Variants in ARHGAP24 observed in about 807,000 individuals in gnomAD.
ARHGAP24 encodes rho GTPase-activating protein 24.
ARHGAP24 carries 50 observed loss-of-function variants against 76.4 expected under a neutral mutation model. The ratio of observed to expected loss-of-function variants is 0.65; its 90% CI spans 0.52 to 0.83. ARHGAP24 has a LOEUF of 0.83. Ranked by LOEUF, ARHGAP24 falls within the 40% of genes least tolerant of loss-of-function variation. The probability of loss-of-function intolerance (pLI) is 0.00; values close to 1 mark genes in which losing one functional copy is unlikely to be tolerated. For synonymous variants in ARHGAP24, 345 were observed against 323.3 expected, an observed-to-expected ratio of 1.07 and a Z score of -0.72; for missense variants, 930 against 914.2, an observed-to-expected ratio of 1.02 and a Z score of -0.22.
intron 1 of ARHGAP24, among the ~76,000 whole-genome samples, chr4:85,547,237 C>A (rs952539162): frequency 6.6e-6 from 1 of 152,152 alleles, no homozygotes. Context: ...CAGTTCCTCA[C>A]CTTTCTTTGT....
chr4:85,785,871 C>T (rs573164129), intron 3 of ARHGAP24, among the ~76,000 whole-genome samples: 1 of 152,236 alleles, frequency 6.6e-6, no homozygotes, highest in Admixed American at 6.5e-5. Flanking sequence ...CAGAGTGACA[C>T]CTCCTTGTCA....
At chr4:85,496,667 C>T (rs973949274) in intron 1 of ARHGAP24, among the ~76,000 whole-genome samples, 26 of 152,216 alleles carry the variant, frequency 1.7e-4, no homozygotes, top group Admixed American at 1.0e-3. Flanking sequence ...AGCAAGCTCC[C>T]GGGTATATTA....
chr4:85,995,595 A>G lies in ARHGAP24; in HGVS notation c.1941A>G (p.Leu647=), dbSNP rs1037267435. Reference sequence around the variant, plus strand: ...GCAACCACAGTGCACTGCACAGTTTAGTTTCCAGCCTGAAACAGGAAATGA... The same window carrying G: ...GCAACCACAGTGCACTGCACAGTTTGGTTTCCAGCCTGAAACAGGAAATGA... The part of the protein sequence containing the change: ...SSSNHSALHS[L]VSSLKQEMTK... The change falls in exon 9 of 10, where the codon TTA becomes TTG. Residue 647 remains leucine (L), a synonymous_variant. Transcript: ENST00000395184. 6.2e-7 allele frequency: 1 copy of G among 1,613,898 alleles called. No individual in the cohort carries two copies. Among genetic ancestry groups the G allele is most frequent in the African/African-American group, 1.3e-5 (1 of 74,874 alleles).
chr4:85,579,415 A>C (rs1727514004), intron 2 of ARHGAP24, among the ~76,000 whole-genome samples: 1 of 152,066 alleles, frequency 6.6e-6, no homozygotes, highest in Non-Finnish European at 1.5e-5. Flanking sequence ...TGTTTACAGC[A>C]ATGTGTTTTA....
At chr4:85,855,064 A>AAGAT (rs1474351807) in intron 3 of ARHGAP24, among the ~76,000 whole-genome samples, 3 of 152,196 alleles carry the variant, frequency 2.0e-5, no homozygotes, top group Non-Finnish European at 2.9e-5. Flanking sequence ...ATCACTCTTG[A>AAGAT]AGATTGCAGT....
chr4:85,839,448 C>T (rs1730466067), intron 3 of ARHGAP24, among the ~76,000 whole-genome samples: 1 of 151,930 alleles, frequency 6.6e-6, no homozygotes, highest in Admixed American at 6.6e-5. Context: ...GGTCATAATT[C>T]TAACTTTTTT....
chr4:85,530,211 G>C (rs572841356), intron 1 of ARHGAP24, among the ~76,000 whole-genome samples: 70 of 152,030 alleles, frequency 4.6e-4, no homozygotes, highest in Admixed American at 1.1e-3. Context: ...AGACTAGTGG[G>C]TATAAAATAG....
chr4:85,720,493 A>G (rs1724890689), intron 2 of ARHGAP24, among the ~76,000 whole-genome samples: 1 of 152,190 alleles, frequency 6.6e-6, no homozygotes, highest in South Asian at 2.1e-4. Flanking sequence ...ATTTACTTGC[A>G]TTTTAATTTG....
chr4:85,764,474 T>C (rs1726854005), intron 3 of ARHGAP24, among the ~76,000 whole-genome samples: 1 of 152,194 alleles, frequency 6.6e-6, no homozygotes, highest in Non-Finnish European at 1.5e-5. Flanking sequence ...ATAACCTTTA[T>C]TGATATCATT....
At chr4:85,611,674 A>T (rs970239812) in intron 2 of ARHGAP24, among the ~76,000 whole-genome samples, 1 of 152,198 alleles carries the variant, frequency 6.6e-6, no homozygotes, top group African/African-American at 2.4e-5. Context: ...TCATGAGGCA[A>T]ATGATTCAGG....
At chr4:85,479,034 T>C (rs1317378802) in intron 1 of ARHGAP24, among the ~76,000 whole-genome samples, 1 of 152,232 alleles carries the variant, frequency 6.6e-6, no homozygotes, top group Non-Finnish European at 1.5e-5. Context: ...CATCTGTTAA[T>C]GTTTCCCCAA....
At chr4:85,846,675 C>T (rs184594883) in intron 3 of ARHGAP24, among the ~76,000 whole-genome samples, 78 of 152,286 alleles carry the variant, frequency 5.1e-4, no homozygotes, top group Non-Finnish European at 1.0e-3. Context: ...ATAAAGATAA[C>T]TTGTCAGGAT....
intron 5 of ARHGAP24, among the ~76,000 whole-genome samples, chr4:85,958,180 G>A (rs1056703705): frequency 6.6e-6 from 1 of 152,096 alleles, no homozygotes; most frequent in Non-Finnish European, 1.5e-5. Flanking sequence ...ACCGAAACTC[G>A]TTACCTAACT....
intron 1 of ARHGAP24, among the ~76,000 whole-genome samples, chr4:85,487,737 T>C (rs1165961811): frequency 9.6e-6 from 1 of 104,242 alleles, no homozygotes; most frequent in Non-Finnish European, 1.7e-5. Context: ...TATTATATAT[T>C]ATATAATATA....
intron 3 of ARHGAP24, among the ~76,000 whole-genome samples, chr4:85,902,886 G>T (rs893718888): frequency 6.6e-6 from 1 of 152,246 alleles, no homozygotes; most frequent in African/African-American, 2.4e-5. Context: ...TTACTGGCGT[G>T]AGCCACTGCG....
At chr4:85,823,688 G>A (rs1729578283) in intron 3 of ARHGAP24, among the ~76,000 whole-genome samples, 1 of 152,114 alleles carries the variant, frequency 6.6e-6, no homozygotes, top group Non-Finnish European at 1.5e-5. Context: ...ATACTACGAG[G>A]CTGTATTTTG....
chr4:85,596,536 T>C lies in ARHGAP24; in HGVS notation c.180+25815T>C, dbSNP rs1719841616. Among the ~76,000 whole-genome samples the C allele has an allele frequency of 2.0e-5, 3 of 152,004 alleles. No individual in the cohort carries two copies. In the South Asian group the frequency reaches 6.2e-4, roughly 31 times the overall value. On this transcript the variant is annotated intron_variant, in intron 2 of 9. Transcript: ENST00000395184. ...CTCAGGGGTTCAAGGAATTCTTTTC[T>C]GGCTTAGCTTGAGATGCCAGTGGTT...
intron 2 of ARHGAP24, among the ~76,000 whole-genome samples, chr4:85,719,635 C>A (rs190376405): frequency 6.6e-6 from 1 of 152,284 alleles, no homozygotes; most frequent in Admixed American, 6.5e-5. Flanking sequence ...TTAACACTGG[C>A]TTCATTATGT....
chr4:85,666,072 G>C (rs977009183), intron 2 of ARHGAP24, among the ~76,000 whole-genome samples: 1 of 152,286 alleles, frequency 6.6e-6, no homozygotes, highest in East Asian at 1.9e-4. Context: ...TGCCTTGCTA[G>C]ATTGGGGAAG....
Sources: allele counts gnomAD v4.1 joint callset (sites outside exome capture counted in the v4.1 genomes callset), GRCh38; gene constraint gnomAD v4.1.1; transcripts MANE v1.5; gene names NCBI Gene and HGNC (gene_info 2026-07-23, HGNC 2026-07-21).